Variants in UBE2Q2 observed in about 807,000 individuals in gnomAD.
UBE2Q2 encodes ubiquitin conjugating enzyme E2 Q2.
In UBE2Q2, 54 loss-of-function variants were observed where a neutral mutation model predicts 59.9. The ratio of observed to expected loss-of-function variants is 0.90; its 90% CI spans 0.72 to 1.13. The LOEUF is 1.13. UBE2Q2 is among the 50% of genes most tolerant of loss of function. The pLI, the probability that UBE2Q2 is intolerant of heterozygous loss-of-function variation, is 0.00. For missense variants in UBE2Q2, 433 were observed against 441.9 expected (o/e 0.98, Z 0.18); for synonymous variants, 165 against 155.2 (o/e 1.06, Z -0.47).
intron 1 of UBE2Q2, among the ~76,000 whole-genome samples, chr15:75,851,268 T>A (rs1276225361): frequency 6.6e-6 from 1 of 152,082 alleles, no homozygotes; most frequent in East Asian, 1.9e-4. Flanking sequence ...TTTTTGTATT[T>A]TTTTGTAGAG....
At chr15:75,876,563 G>A (rs1301084496) in intron 6 of UBE2Q2, among the ~76,000 whole-genome samples, 1 of 152,148 alleles carries the variant, frequency 6.6e-6, no homozygotes, top group Non-Finnish European at 1.5e-5. Context: ...GAAAGCATGA[G>A]CGATATTGCT....
At chr15:75,874,186 G>A (rs1897947104) in intron 5 of UBE2Q2, among the ~76,000 whole-genome samples, 2 of 151,752 alleles carry the variant, frequency 1.3e-5, no homozygotes, top group South Asian at 4.2e-4. Context: ...CATCCTCTCC[G>A]ACAAAATACA....
At chr15:75,890,522 T>G (rs1451690969) in intron 10 of UBE2Q2, 39 bp downstream of exon 10, 1 of 1,579,178 alleles carries the variant, frequency 6.3e-7, no homozygotes, top group Non-Finnish European at 8.6e-7. Context: ...ACCCACAATT[T>G]AGTGTTTTGA....
intron 11 of UBE2Q2, among the ~76,000 whole-genome samples, chr15:75,892,731 G>A (rs780761077): frequency 7.2e-5 from 11 of 152,042 alleles, no homozygotes; most frequent in Non-Finnish European, 1.3e-4. Context: ...AAAACAATTA[G>A]CTGGGTATGG....
rs1896175383 is a variant in UBE2Q2, at chr15:75,844,039, A to T, written c.180+193A>T. Reference sequence around the variant, plus strand: ...GCGAGGCTTGGGTGGGAGGAGGCGGAGGGCGCGTCTTTCCGGCTTCTCGCC... The same window carrying T: ...GCGAGGCTTGGGTGGGAGGAGGCGGTGGGCGCGTCTTTCCGGCTTCTCGCC... On this transcript the variant is annotated intron_variant, in intron 1 of 12. Transcript: ENST00000267938. 5.7e-6 allele frequency: 8 copies of T among 1,406,278 alleles called. No individual in the cohort carries two copies. In the South Asian group the frequency reaches 1.1e-4, roughly 19 times the overall value. 87.1% of individuals were successfully genotyped at this position (1,406,278 alleles called of 1,614,324 possible).
rs1567009925 is a variant in UBE2Q2, at chr15:75,843,809, C to CGCT, written c.146_148dup (p.Leu49dup). On this transcript the variant is annotated inframe_insertion, in exon 1 of 13. Transcript: ENST00000267938. ...GTGCCGCAGCAGGGCAGCCCGCACT[C>CGCT]GCTGCCGCCGCCACTCACGCTCCAC... The CGCT allele has an allele frequency of 1.1e-5, 17 of 1,599,716 alleles. No homozygotes were observed. Among genetic ancestry groups the CGCT allele is most frequent in the South Asian group, 4.5e-5 (4 of 89,308 alleles).
chr15:75,886,533 G>GA (rs1295549050), intron 9 of UBE2Q2, among the ~76,000 whole-genome samples: 1 of 151,556 alleles, frequency 6.6e-6, no homozygotes, highest in African/African-American at 2.4e-5. Flanking sequence ...TTATTTGAGA[G>GA]AAAAAAAAGA....
intron 8 of UBE2Q2, among the ~76,000 whole-genome samples, chr15:75,880,881 GGTA>G (rs1898372339): frequency 6.6e-6 from 1 of 152,156 alleles, no homozygotes; most frequent in Non-Finnish European, 1.5e-5. Context: ...TTACAAAAAA[GGTA>G]GTAATTTTCT....
rs1300584617 is a variant in UBE2Q2, at chr15:75,843,716, T to C, written c.50T>C (p.Phe17Ser). The C allele has an allele frequency of 1.2e-6, 2 of 1,611,342 alleles. No homozygotes were observed. The highest frequency in any genetic ancestry group is 8.5e-7 in the Non-Finnish European group (1 of 1,179,000). Residue 17 changes from phenylalanine (F) to serine (S), a missense_variant, in exon 1 of 13, where the codon TTC becomes TCC. Coordinates refer to ENST00000267938, the MANE Select transcript of UBE2Q2 (RefSeq NM_173469.4). ...GAGCTGAAGTTCCTGGCGTCCATCT[T>C]CGACAAGAACCACGAGCGATTCCGC... The part of the protein sequence containing the change: ...KAELKFLASI[F>S]DKNHERFRIV...
intron 2 of UBE2Q2, among the ~76,000 whole-genome samples, chr15:75,859,490 C>G (rs1432675219): frequency 6.6e-6 from 1 of 152,034 alleles, no homozygotes; most frequent in Admixed American, 6.6e-5. Flanking sequence ...CTGTGTGTGT[C>G]TGGGTTATTT....
At chr15:75,867,648 G>A (rs1567026418) in intron 3 of UBE2Q2, among the ~76,000 whole-genome samples, 1 of 152,100 alleles carries the variant, frequency 6.6e-6, no homozygotes, top group African/African-American at 2.4e-5. Context: ...TTGAGGTGAT[G>A]GGGGCTCAGT....
intron 3 of UBE2Q2, among the ~76,000 whole-genome samples, chr15:75,864,586 A>T (rs1048690506): frequency 2.8e-4 from 41 of 148,218 alleles, no homozygotes; most frequent in African/African-American, 8.2e-4. Context: ...CCACTTCTTC[A>T]GTTTTAGTAA....
intron 3 of UBE2Q2, among the ~76,000 whole-genome samples, chr15:75,861,629 A>G (rs1201639017): frequency 2.0e-5 from 3 of 152,170 alleles, no homozygotes; most frequent in Non-Finnish European, 4.4e-5. Context: ...TGTATCTCAT[A>G]TTATTTCTAA....
rs755886332 is a variant in UBE2Q2, at chr15:75,879,122, C to T, written c.759C>T (p.His253=). ...GGGTTGACCCTGATAGTCCTTTGCA[C>T]AGTGATCTTCAGATCTTAAAAGAAA... ...LQKVDPDSPL[H]SDLQILKEKE... Residue 253 remains histidine, a synonymous_variant, in exon 8 of 13, where the codon CAC becomes CAT. Coordinates refer to ENST00000267938, the MANE Select transcript of UBE2Q2 (RefSeq NM_173469.4). 2 of 1,595,450 alleles carry T rather than the reference C, an allele frequency of 1.3e-6. No individual in the cohort carries two copies. Among genetic ancestry groups the T allele is most frequent in the South Asian group, 2.3e-5 (2 of 87,298 alleles).
intron 11 of UBE2Q2, among the ~76,000 whole-genome samples, chr15:75,894,025 A>G (rs904631611): frequency 2.6e-5 from 4 of 152,244 alleles, no homozygotes; most frequent in Admixed American, 6.5e-5. Flanking sequence ...AGTTAAATCT[A>G]TAAGTTAATA....
Position 75,898,166 on chromosome 15 carries a change from G to A in UBE2Q2, c.1096+1105G>A, listed in dbSNP as rs1244182034. 2.6e-5 allele frequency among the ~76,000 whole-genome samples: 4 copies of A among 152,080 alleles called. No individual in the cohort carries two copies. The East Asian group carries it at 7.7e-4, about 29-fold the overall frequency. On this transcript the variant is annotated intron_variant, in intron 12 of 12. Coordinates refer to ENST00000267938, the MANE Select transcript of UBE2Q2 (RefSeq NM_173469.4). ...AGTCTAATTTGCCTTTTTATAGAGA[G>A]CTTAGGTTTTTGCGGAACCTGGGAC...
intron 3 of UBE2Q2, 89 bp downstream of exon 3, chr15:75,860,071 A>T (rs990925984): frequency 1.3e-5 from 12 of 919,388 alleles, no homozygotes; most frequent in Non-Finnish European, 1.7e-5. Context: ...TTATTGTTCA[A>T]CTTATTTAGA....
At chr15:75,880,248 G>A (rs1231625286) in intron 8 of UBE2Q2, among the ~76,000 whole-genome samples, 3 of 151,656 alleles carry the variant, frequency 2.0e-5, no homozygotes, top group Non-Finnish European at 4.4e-5. Flanking sequence ...GAGTAGCTGG[G>A]ATTACAGGTG....
At chr15:75,896,900 T>A (rs1033887906) in intron 11 of UBE2Q2, 95 bp from the exon 12 acceptor site, 1 of 680,322 alleles carries the variant, frequency 1.5e-6, no homozygotes, top group Admixed American at 3.0e-5. Flanking sequence ...CAGTTTCCCA[T>A]GTTCTTTTAA....
Sources: gnomAD v4.1 joint callset for allele counts (sites outside exome capture counted in the v4.1 genomes callset) on GRCh38, gnomAD v4.1.1 for gene constraint, MANE v1.5 for transcripts, NCBI Gene and HGNC (gene_info 2026-07-23, HGNC 2026-07-21) for gene names.